Variants in LRBA observed in about 807,000 individuals in gnomAD.
LRBA encodes lipopolysaccharide-responsive and beige-like anchor protein.
Under a neutral mutation model 330.0 loss-of-function variants are expected in LRBA, and 176 were observed. The observed-to-expected ratio is 0.53, with a 90% CI of 0.47 to 0.60. The LOEUF (loss-of-function observed/expected upper bound fraction) is 0.60. Among genes scored for constraint, LRBA ranks in the 20% least tolerant of loss-of-function variants. The pLI, the probability that LRBA is intolerant of heterozygous loss-of-function variation, is 0.00. For missense variants in LRBA, 3,259 were observed against 3,444.8 expected (o/e 0.95, Z 1.35); for synonymous variants, 1,230 against 1,193.0 (o/e 1.03, Z -0.64).
intron 47 of LRBA, among the ~76,000 whole-genome samples, chr4:150,374,437 G>C (rs930398850): frequency 6.6e-6 from 1 of 152,086 alleles, no homozygotes; most frequent in Non-Finnish European, 1.5e-5. Flanking sequence ...GACCCACCTT[G>C]AACCCAGAGA....
At chr4:150,555,971 C>G (rs1008302877) in intron 40 of LRBA, among the ~76,000 whole-genome samples, 6 of 151,744 alleles carry the variant, frequency 4.0e-5, no homozygotes, top group African/African-American at 2.4e-5. Context: ...CTGGTTAATT[C>G]TGTTCATTTT....
At chr4:150,624,746 A>C (rs1284666827) in intron 37 of LRBA, among the ~76,000 whole-genome samples, 1 of 152,226 alleles carries the variant, frequency 6.6e-6, no homozygotes, top group Non-Finnish European at 1.5e-5. Context: ...GATGTAAAGC[A>C]TATCTTTACT....
intron 31 of LRBA, among the ~76,000 whole-genome samples, chr4:150,815,088 G>C (rs1201199750): frequency 6.6e-6 from 1 of 151,912 alleles, no homozygotes; most frequent in African/African-American, 2.4e-5. Flanking sequence ...GGCAGTATAA[G>C]AAAATATTTT....
rs546026131 is a variant in LRBA, at chr4:150,408,732, A to C, written c.7194+6706T>G. Among the ~76,000 whole-genome samples the C allele has an allele frequency of 3.3e-5, 5 of 152,290 alleles. No homozygotes were observed. The South Asian group carries it at 1.0e-3, about 32-fold the overall frequency. ...ATAAGTGTAATATATTTGTGAATGC[A>C]AGGCTGGTTTAACAACCAAAAATCA... is the stretch of plus-strand genomic sequence containing the variant. On this transcript the variant is annotated intron_variant, in intron 47 of 56. Coordinates refer to ENST00000651943, the MANE Select transcript of LRBA (RefSeq NM_001364905.1).
rs548105704 is a variant in LRBA at position 150,910,006 on chromosome 4, GTTA to G, written c.1162-1152_1162-1150del. 4.1e-4 allele frequency among the ~76,000 whole-genome samples: 63 copies of G among 152,072 alleles called. 1 individual carries two copies. The highest frequency in any genetic ancestry group is 5.9e-4 in the Non-Finnish European group (40 of 67,900). ...TCTTTTATGCATTTTTAATTGTTTTGTTATTGTTGTTGTTGTTGAGTTACAGGA... is the reference window on the plus strand; with the variant it reads ...TCTTTTATGCATTTTTAATTGTTTTGTTGTTGTTGTTGTTGAGTTACAGGA... On this transcript the variant is annotated intron_variant, in intron 9 of 56. Transcript: ENST00000651943.
At chr4:150,309,066 A>G (rs1053962612) in intron 52 of LRBA, among the ~76,000 whole-genome samples, 1 of 152,248 alleles carries the variant, frequency 6.6e-6, no homozygotes, top group African/African-American at 2.4e-5. Flanking sequence ...AGCTTCATTC[A>G]TGGGAAGTGC....
At chr4:150,322,275 A>T (rs1212760290) in intron 49 of LRBA, among the ~76,000 whole-genome samples, 1 of 152,242 alleles carries the variant, frequency 6.6e-6, no homozygotes, top group African/African-American at 2.4e-5. Flanking sequence ...AGGATTTGGA[A>T]CATTCTTACA....
At chr4:150,694,629 T>C (rs1784470155) in intron 36 of LRBA, among the ~76,000 whole-genome samples, 1 of 152,068 alleles carries the variant, frequency 6.6e-6, no homozygotes, top group South Asian at 2.1e-4. Context: ...ACTCAAAGTA[T>C]TGATTTCTCT....
intron 47 of LRBA, among the ~76,000 whole-genome samples, chr4:150,396,595 C>T (rs1024953142): frequency 2.6e-5 from 4 of 151,984 alleles, no homozygotes; most frequent in Non-Finnish European, 5.9e-5. Flanking sequence ...TAATAGTAGT[C>T]TACAGGGAAA....
At chr4:150,978,475 A>G (rs1740457068) in intron 2 of LRBA, among the ~76,000 whole-genome samples, 1 of 152,202 alleles carries the variant, frequency 6.6e-6, no homozygotes, top group Non-Finnish European at 1.5e-5. Context: ...CCAGACACTG[A>G]CAAACATCCA....
At chr4:150,455,044 A>G (rs1753879358) in intron 44 of LRBA, among the ~76,000 whole-genome samples, 1 of 151,270 alleles carries the variant, frequency 6.6e-6, no homozygotes, top group Non-Finnish European at 1.5e-5. Flanking sequence ...TTACATATGT[A>G]TACATGTGCC....
At chr4:150,275,888 C>T (rs7657477) in intron 56 of LRBA, among the ~76,000 whole-genome samples, 74,886 of 152,050 alleles carry the variant, frequency 0.49, 19,716 homozygotes, top group South Asian at 0.59. Flanking sequence ...ATGCTATCCC[C>T]ATCAAGCTAC....
chr4:150,301,199 G>T (rs1729633332), intron 53 of LRBA, among the ~76,000 whole-genome samples: 1 of 151,996 alleles, frequency 6.6e-6, no homozygotes, highest in African/African-American at 2.4e-5. Context: ...AGAATATTGT[G>T]TTCATGATGA....
rs757306658 is a variant in LRBA at position 150,575,861 on chromosome 4, A to G, written c.6330+12187T>C. Among the ~76,000 whole-genome samples the G allele has an allele frequency of 3.7e-4, 56 of 151,852 alleles. 1 individual carries two copies. Among genetic ancestry groups the G allele is most frequent in the Non-Finnish European group, 1.0e-4 (7 of 67,802 alleles). On this transcript the variant is annotated intron_variant, in intron 40 of 56. Coordinates refer to ENST00000651943, the MANE Select transcript of LRBA (RefSeq NM_001364905.1). Reference sequence around the variant, plus strand: ...TATCTTCATAAACAAAAGATATCACACCTTGAAACCATAAGGTCAGCTTTC... The same window carrying G: ...TATCTTCATAAACAAAAGATATCACGCCTTGAAACCATAAGGTCAGCTTTC...
At chr4:150,462,573 G>A (rs570005947) in intron 44 of LRBA, among the ~76,000 whole-genome samples, 2 of 151,626 alleles carry the variant, frequency 1.3e-5, no homozygotes, top group African/African-American at 2.4e-5. Flanking sequence ...CATTAATTCA[G>A]CTTCAGAAAG....
intron 53 of LRBA, among the ~76,000 whole-genome samples, chr4:150,293,893 T>C (rs912877188): frequency 1.2e-4 from 19 of 152,232 alleles, no homozygotes; most frequent in African/African-American, 4.6e-4. Context: ...ATAGTAAATA[T>C]ATTTTCTCCT....
At chr4:150,679,854 C>T (rs1054166651) in intron 37 of LRBA, among the ~76,000 whole-genome samples, 3 of 152,146 alleles carry the variant, frequency 2.0e-5, no homozygotes, top group African/African-American at 7.2e-5. Context: ...TGAGAACCAC[C>T]TCTTTCCCAG....
chr4:150,720,276 G>A (rs1478128247), intron 36 of LRBA, among the ~76,000 whole-genome samples: 4 of 151,930 alleles, frequency 2.6e-5, no homozygotes, highest in East Asian at 1.9e-4. Context: ...AAAATAAAAC[G>A]TTAATATAGA....
chr4:150,511,717 G>A lies in LRBA; in HGVS notation c.6331-20682C>T, dbSNP rs556664798. ...TTCAGCTAACTCTCAAAATGGCACT[G>A]TGAAATCGATGTCATTTTCACCATT... On this transcript the variant is annotated intron_variant, in intron 40 of 56. Transcript: ENST00000651943. Among the ~76,000 whole-genome samples, 7 of 152,368 alleles carry A rather than the reference G, an allele frequency of 4.6e-5. No homozygotes were observed. In the South Asian group the frequency reaches 1.4e-3, roughly 32 times the overall value.
Sources: allele counts gnomAD v4.1 joint callset (sites outside exome capture counted in the v4.1 genomes callset), GRCh38; gene constraint gnomAD v4.1.1; transcripts MANE v1.5; gene names NCBI Gene and HGNC (gene_info 2026-07-23, HGNC 2026-07-21).